The following COLEC12 variants were observed in gnomAD, a reference collection of about 807,000 sequenced individuals.
COLEC12 encodes collectin-12.
A neutral mutation model predicts 71.1 loss-of-function variants in COLEC12; 33 were observed. The observed-to-expected ratio is 0.46, with a 90% CI of 0.35 to 0.62. COLEC12 has a LOEUF of 0.62. Among genes scored for constraint, COLEC12 ranks in the 20% least tolerant of loss-of-function variants. The probability of loss-of-function intolerance (pLI) is 0.00; values close to 1 mark genes in which losing one functional copy is unlikely to be tolerated. For missense variants in COLEC12, 765 were observed against 916.1 expected, an observed-to-expected ratio of 0.84 and a Z score of 2.13; for synonymous variants, 350 against 353.0, an observed-to-expected ratio of 0.99 and a Z score of 0.10.
At chr18:444,226 A>C (rs1283897270) in intron 2 of COLEC12, among the ~76,000 whole-genome samples, 3 of 152,220 alleles carry the variant, frequency 2.0e-5, no homozygotes, top group African/African-American at 7.2e-5. Context: ...ATAAATTATA[A>C]ACATACACTA....
intron 2 of COLEC12, among the ~76,000 whole-genome samples, chr18:442,442 G>A (rs749155142): frequency 1.3e-4 from 20 of 152,184 alleles, no homozygotes; most frequent in Non-Finnish European, 2.2e-4. Flanking sequence ...ATGCTGATGC[G>A]TAGCACCAAG....
intron 2 of COLEC12, among the ~76,000 whole-genome samples, chr18:391,041 C>T (rs1245006208): frequency 6.6e-6 from 1 of 152,128 alleles, no homozygotes; most frequent in Admixed American, 6.5e-5. Flanking sequence ...ACTTTTTTTA[C>T]AAAAACCTGA....
Position 361,713 on chromosome 18 carries a change from C to T in COLEC12, c.59-4191G>A, listed in dbSNP as rs34334395. Among the ~76,000 whole-genome samples the T allele has an allele frequency of 6.1e-3, 933 of 152,258 alleles. 10 individuals carry two copies. Among genetic ancestry groups the T allele is most frequent in the Middle Eastern group, 0.01 (3 of 294 alleles). ...CATATAGGTAGACCCACAGACACGC[C>T]ACATTCCATGCTGAGAAACCATGAA... On this transcript the variant is annotated intron_variant, in intron 2 of 9. Transcript: ENST00000400256.
At chr18:337,558 T>C (rs1914146836) in intron 5 of COLEC12, among the ~76,000 whole-genome samples, 1 of 152,194 alleles carries the variant, frequency 6.6e-6, no homozygotes, top group Non-Finnish European at 1.5e-5. Flanking sequence ...AGGACTGGCC[T>C]AAATGCATTC....
rs34131281 is a variant in COLEC12 at position 408,611 on chromosome 18, G to GAA, written c.59-51091_59-51090dup. On this transcript the variant is annotated intron_variant, in intron 2 of 9. Transcript: ENST00000400256. This position sits in a 1 kb window ranked among gnomAD's most constrained non-coding sequence, Gnocchi z 4.3. ...AGTATTACCAAATATTGAGAAAAAG[G>GAA]AAAAAAAAAAAAGACAGGAAAATAA... Among the ~76,000 whole-genome samples, 1 of 144,236 alleles carries GAA rather than the reference G, an allele frequency of 6.9e-6. No homozygotes were observed. Among genetic ancestry groups the GAA allele is most frequent in the Non-Finnish European group, 1.5e-5 (1 of 65,914 alleles). 94.6% of individuals were successfully genotyped at this position (144,236 alleles called of 152,430 possible). A position where few individuals can be genotyped will look rare whatever the true frequency, so the allele number is the denominator to read the frequency against.
intron 1 of COLEC12, among the ~76,000 whole-genome samples, chr18:488,059 T>A (rs1304585992): frequency 6.6e-6 from 1 of 152,030 alleles, no homozygotes; most frequent in Non-Finnish European, 1.5e-5. Context: ...TTAATACACT[T>A]ACAGAGATAA....
intron 2 of COLEC12, among the ~76,000 whole-genome samples, chr18:467,840 T>C (rs1026017833): frequency 2.7e-5 from 4 of 148,456 alleles, no homozygotes; most frequent in Non-Finnish European, 5.9e-5. Context: ...ACAAAATTAA[T>C]ACAAGTTTTC....
At chr18:498,595 G>C (rs887880122) in intron 1 of COLEC12, among the ~76,000 whole-genome samples, 1 of 151,942 alleles carries the variant, frequency 6.6e-6, no homozygotes, top group Non-Finnish European at 1.5e-5. Flanking sequence ...TCCTGACTTC[G>C]AGTGATCTTG....
intron 3 of COLEC12, among the ~76,000 whole-genome samples, chr18:350,283 C>G (rs1245272291): frequency 6.6e-6 from 1 of 152,122 alleles, no homozygotes; most frequent in African/African-American, 2.4e-5. Flanking sequence ...TTTCATCTTT[C>G]TCACTTTCTC....
intron 1 of COLEC12, among the ~76,000 whole-genome samples, chr18:495,648 T>C (rs1413061088): frequency 6.6e-6 from 1 of 152,224 alleles, no homozygotes; most frequent in African/African-American, 2.4e-5. Context: ...TGCTAGGTCA[T>C]TACAGTTCTA....
chr18:357,700 A>G (rs1056429160), intron 2 of COLEC12, among the ~76,000 whole-genome samples, 178 bp from the exon 3 acceptor site: 1 of 152,234 alleles, frequency 6.6e-6, no homozygotes, highest in Non-Finnish European at 1.5e-5. Context: ...CTTCAATATT[A>G]CCATTCTATT....
intron 2 of COLEC12, among the ~76,000 whole-genome samples, chr18:453,414 C>T (rs551746277): frequency 6.6e-6 from 1 of 152,220 alleles, no homozygotes; most frequent in East Asian, 1.9e-4. Context: ...TTCCCCTGAC[C>T]AGCATCCCCA....
At chr18:419,534 T>A (rs986905074) in intron 2 of COLEC12, among the ~76,000 whole-genome samples, 1 of 152,204 alleles carries the variant, frequency 6.6e-6, no homozygotes, top group African/African-American at 2.4e-5. Flanking sequence ...TACAGAGTCA[T>A]TATCTGAGTT....
chr18:329,714 C>T (rs1350170581), intron 8 of COLEC12, among the ~76,000 whole-genome samples: 1 of 152,256 alleles, frequency 6.6e-6, no homozygotes, highest in African/African-American at 2.4e-5. Flanking sequence ...GTCTGAGGCT[C>T]ACCTTCAGAG....
intron 8 of COLEC12, among the ~76,000 whole-genome samples, chr18:326,414 G>C (rs779560944): frequency 1.4e-4 from 21 of 152,050 alleles, no homozygotes; most frequent in Admixed American, 3.9e-4. Flanking sequence ...GTGGTGCGAT[G>C]TCAGCTCACT....
chr18:500,426 CG>C lies in COLEC12; in HGVS notation c.7+81del. 1.3e-6 allele frequency: 1 copy of C among 768,812 alleles called. No homozygotes were observed. The highest frequency in any genetic ancestry group is 1.6e-6 in the Non-Finnish European group (1 of 629,924). The allele number at this position is 768,812 out of a possible 1,614,324, so 47.6% of individuals were successfully genotyped here. A position where few individuals can be genotyped will look rare whatever the true frequency, so the allele number is the denominator to read the frequency against. On this transcript the variant is annotated intron_variant, in intron 1 of 9. Transcript: ENST00000400256. This position sits in a 1 kb window ranked among gnomAD's most constrained non-coding sequence, Gnocchi z 5.3. ...CCCGCAGCCCAAGGGAAGGTTCGCG[CG>C]GGAGGCACCTCCGTGGCCTCCCGCG...
At chr18:413,761 C>T (rs112483803) in intron 2 of COLEC12, among the ~76,000 whole-genome samples, 5,593 of 152,260 alleles carry the variant, frequency 0.037, 137 homozygotes, top group Middle Eastern at 0.051. Context: ...CAGTGAATAG[C>T]TAAATAAACT....
At chr18:446,528 C>A (rs1408607054) in intron 2 of COLEC12, among the ~76,000 whole-genome samples, 1 of 144,724 alleles carries the variant, frequency 6.9e-6, no homozygotes, top group East Asian at 2.0e-4. Flanking sequence ...ATAGCAAGAC[C>A]CTATCTCTGT....
chr18:401,640 T>C (rs930571976), intron 2 of COLEC12, among the ~76,000 whole-genome samples: 1 of 152,236 alleles, frequency 6.6e-6, no homozygotes, highest in Admixed American at 6.5e-5. Context: ...TGATTCACAA[T>C]GCATCCTCCT....
Sources: allele counts gnomAD v4.1 joint callset (sites outside exome capture counted in the v4.1 genomes callset), GRCh38; gene constraint gnomAD v4.1.1; non-coding constraint Gnocchi (gnomAD v3.1); transcripts MANE v1.5; gene names NCBI Gene and HGNC (gene_info 2026-07-23, HGNC 2026-07-21).